Variants in GLDC observed in about 807,000 individuals in gnomAD.
The protein encoded by GLDC is glycine dehydrogenase (decarboxylating), mitochondrial.
A neutral mutation model predicts 121.3 loss-of-function variants in GLDC; 104 were observed. The ratio of observed to expected loss-of-function variants is 0.86; its 90% CI spans 0.73 to 1.01. The LOEUF (loss-of-function observed/expected upper bound fraction) is 1.01. GLDC is among the 50% of genes least tolerant of loss of function. GLDC has a pLI of 0.00. For missense variants in GLDC, 1,429 were observed against 1,306.6 expected, an observed-to-expected ratio of 1.09 and a Z score of -1.44; for synonymous variants, 546 against 480.6, an observed-to-expected ratio of 1.14 and a Z score of -1.78.
At chr9:6,629,955 A>ATTT (rs1367658538) in intron 2 of GLDC, among the ~76,000 whole-genome samples, 7,465 of 84,184 alleles carry the variant, frequency 0.089, 509 homozygotes, top group Non-Finnish European at 0.12. Context: ...GTATATATAT[A>ATTT]TATTTTTTTT....
intron 2 of GLDC, among the ~76,000 whole-genome samples, chr9:6,634,594 C>A (rs1819462791): frequency 6.6e-6 from 1 of 152,102 alleles, no homozygotes; most frequent in Non-Finnish European, 1.5e-5. Flanking sequence ...CCTGGGCTGC[C>A]CGAAGCCAGT....
At chr9:6,615,857 G>C (rs1441083368) in intron 3 of GLDC, among the ~76,000 whole-genome samples, 1 of 152,058 alleles carries the variant, frequency 6.6e-6, no homozygotes, top group Admixed American at 6.6e-5. Flanking sequence ...CAAGTGATCT[G>C]CCCACCTCGG....
chr9:6,616,427 T>C (rs1222793174), intron 3 of GLDC, among the ~76,000 whole-genome samples: 1 of 152,232 alleles, frequency 6.6e-6, no homozygotes, highest in Admixed American at 6.5e-5. Flanking sequence ...TCCTTTTACA[T>C]GTAAACTTCT....
chr9:6,540,448 C>G (rs1189878083), intron 21 of GLDC: 2 of 392,006 alleles, frequency 5.1e-6, no homozygotes, highest in Non-Finnish European at 9.5e-6. Context: ...CCGGAGGTGT[C>G]TGGGGATGAG....
At chr9:6,544,772 T>G (rs1444477344) in intron 21 of GLDC, among the ~76,000 whole-genome samples, 1 of 152,072 alleles carries the variant, frequency 6.6e-6, no homozygotes, top group Non-Finnish European at 1.5e-5. Context: ...CCTATAAAAG[T>G]AGACAGCTGT....
chr9:6,559,461 G>A (rs543497709), intron 16 of GLDC, among the ~76,000 whole-genome samples: 6 of 148,854 alleles, frequency 4.0e-5, no homozygotes, highest in African/African-American at 1.2e-4. Flanking sequence ...GTTGCGGTGA[G>A]CCGAGATTGC....
chr9:6,644,602 C>T lies in GLDC; in HGVS notation c.334+12G>A. 1 of 1,590,468 alleles carries T rather than the reference C, an allele frequency of 6.3e-7. No homozygotes were observed. Among genetic ancestry groups the T allele is most frequent in the Non-Finnish European group, 8.6e-7 (1 of 1,158,454 alleles). ...ATAATCTAAGTCCAAGGGAGCCCTC[C>T]CGGCCACTTACAAACAGGGTCTTCC... On this transcript the variant is annotated intron_variant, in intron 2 of 24. Transcript: ENST00000321612.
intron 1 of GLDC, 85 bp downstream of exon 1, chr9:6,645,160 C>T: frequency 2.2e-6 from 3 of 1,357,266 alleles, no homozygotes; most frequent in Admixed American, 2.5e-5. Context: ...CGCAGCAGAG[C>T]TCAGGGTAGG....
chr9:6,620,292 T>A lies in GLDC; in HGVS notation c.362A>T (p.His121Leu). ...VCENEILATL[H>L]AISSKNQIWR... Reference sequence around the variant, plus strand: ...GATCTGGTTTTTGCTTGAAATGGCATGCAGAGTTGCAAGGATTTCATTTTC... The same window carrying A: ...GATCTGGTTTTTGCTTGAAATGGCAAGCAGAGTTGCAAGGATTTCATTTTC... The change falls in exon 3 of 25, where the codon CAT becomes CTT. Residue 121 changes from histidine (H) to leucine (L), a missense_variant. By Grantham distance (99) the His-to-Leu change is moderately conservative. Coordinates refer to ENST00000321612, the MANE Select transcript of GLDC (RefSeq NM_000170.3). The A allele has an allele frequency of 6.2e-7, 1 of 1,613,668 alleles. No individual in the cohort carries two copies. The highest frequency in any genetic ancestry group is 1.1e-5 in the South Asian group (1 of 91,084).
intron 2 of GLDC, among the ~76,000 whole-genome samples, chr9:6,630,625 G>A (rs1460569345): frequency 2.6e-5 from 4 of 152,212 alleles, no homozygotes; most frequent in African/African-American, 4.8e-5. Flanking sequence ...CAGAATGTGA[G>A]GACAGAGACT....
At position 6,635,048 on chromosome 9, in the gene GLDC, C is replaced by T. The variant is rs571106943; in HGVS notation, c.334+9566G>A. 2.6e-5 allele frequency among the ~76,000 whole-genome samples: 4 copies of T among 152,308 alleles called. No individual in the cohort carries two copies. The South Asian group carries it at 8.3e-4, about 32-fold the overall frequency. On this transcript the variant is annotated intron_variant, in intron 2 of 24. Coordinates refer to ENST00000321612, the MANE Select transcript of GLDC (RefSeq NM_000170.3). ...CTAACCACATGGTCTATTCACCGTC[C>T]CTCAAATAACCACGTATTTCCACAC...
In GLDC at chr9:6,552,068, C is replaced by T. The variant is rs530889756; in HGVS notation, c.2458-1154G>A. On this transcript the variant is annotated intron_variant, in intron 20 of 24. Transcript: ENST00000321612. Reference sequence around the variant, plus strand: ...AACCAGGTAAAGCAACAGGAAGCCACGAGAGATACGTGGGGGCCTAGGGTG... The same window carrying T: ...AACCAGGTAAAGCAACAGGAAGCCATGAGAGATACGTGGGGGCCTAGGGTG... Among the ~76,000 whole-genome samples the T allele has an allele frequency of 5.9e-5, 9 of 152,218 alleles. No individual in the cohort carries two copies. In the East Asian group the frequency reaches 7.7e-4, roughly 13 times the overall value.
chr9:6,536,259 T>C (rs899919301), intron 22 of GLDC, 23 bp from the exon 23 acceptor site: 1 of 1,608,260 alleles, frequency 6.2e-7, no homozygotes, highest in Non-Finnish European at 8.5e-7. Flanking sequence ...ACAGGAGAAC[T>C]TGCCTCACTG....
At chr9:6,580,271 G>T (rs995616919) in intron 15 of GLDC, among the ~76,000 whole-genome samples, 1 of 152,086 alleles carries the variant, frequency 6.6e-6, no homozygotes, top group Non-Finnish European at 1.5e-5. Context: ...GCCCACACTG[G>T]GCCTGTTCTG....
intron 3 of GLDC, among the ~76,000 whole-genome samples, chr9:6,619,146 C>CAAAAAAAA (rs1162280442): frequency 6.6e-4 from 40 of 60,674 alleles, no homozygotes; most frequent in African/African-American, 1.2e-3. Context: ...CTGTCTCAGG[C>CAAAAAAAA]AAAAAAAAAA....
intron 21 of GLDC, 137 bp downstream of exon 21, chr9:6,550,666 C>T: frequency 1.4e-6 from 1 of 722,486 alleles, no homozygotes; most frequent in Admixed American, 2.1e-5. Flanking sequence ...CGAGTTATTT[C>T]CAAGAACTCT....
Position 6,599,323 on chromosome 9 carries a change from A to C in GLDC, c.1155+2786T>G, listed in dbSNP as rs146332351. 2.3e-3 allele frequency among the ~76,000 whole-genome samples: 352 copies of C among 152,298 alleles called. 1 individual carries two copies. The highest frequency in any genetic ancestry group is 8.2e-3 in the African/African-American group (342 of 41,560). The stretch of plus-strand genomic sequence containing the variant: ...TCAGACGGAAACCTGGAGGAACCTG[A>C]GGAGAAACAGCAAGACAGGAGCAGT... On this transcript the variant is annotated intron_variant, in intron 8 of 24. Transcript: ENST00000321612.
rs375497905 is a variant in GLDC, at chr9:6,645,317, G to T, written c.183C>A (p.Asp61Glu). 110 of 1,590,070 alleles carry T rather than the reference G, an allele frequency of 6.9e-5. No individual in the cohort carries two copies. Among genetic ancestry groups the T allele is most frequent in the Non-Finnish European group, 8.7e-5 (102 of 1,170,210 alleles). ...GGCCGATGTGCCTCCGAGCGAAGTCGTCGTGTCTGGGCAGAAGGCGCTCCA... is the reference window on the plus strand; with the variant it reads ...GGCCGATGTGCCTCCGAGCGAAGTCTTCGTGTCTGGGCAGAAGGCGCTCCA... Reference protein sequence around the residue: ...RLLERLLPRHDDFARRHIGPG... With the variant: ...RLLERLLPRHEDFARRHIGPG... Residue 61 changes from aspartate (D) to glutamate (E), a missense_variant, in exon 1 of 25, where the codon GAC (aspartate) becomes GAA (glutamate). Physicochemically the swap from Asp to Glu is conservative, Grantham distance 45. Transcript: ENST00000321612.
chr9:6,570,104 AG>A (rs1248843811), intron 15 of GLDC, among the ~76,000 whole-genome samples: 2 of 152,360 alleles, frequency 1.3e-5, no homozygotes, highest in East Asian at 3.9e-4. Context: ...ATATGCAAAA[AG>A]TAACATGAAA....
Sources: allele counts gnomAD v4.1 joint callset (sites outside exome capture counted in the v4.1 genomes callset), GRCh38; gene constraint gnomAD v4.1.1; transcripts MANE v1.5; gene names NCBI Gene and HGNC (gene_info 2026-07-23, HGNC 2026-07-21).